The following FBLN2 variants were observed in gnomAD, a reference collection of about 807,000 sequenced individuals.
FBLN2 encodes the protein fibulin-2.
In FBLN2, 81 loss-of-function variants were observed where a neutral mutation model predicts 123.7. That is an observed-to-expected ratio of 0.65 (90% CI 0.55 to 0.79). FBLN2 has a LOEUF of 0.79. Among genes scored for constraint, FBLN2 ranks in the 30% least tolerant of loss-of-function variants. The pLI is 0.00. For synonymous variants in FBLN2, 699 were observed against 701.4 expected (o/e 1.00, Z 0.05); for missense variants, 1,603 against 1,681.3 (o/e 0.95, Z 0.81).
At chr3:13,619,658 G>A (rs1280096719) in intron 7 of FBLN2, 72 bp from the exon 8 acceptor site, 1 of 1,286,532 alleles carries the variant, frequency 7.8e-7, no homozygotes, top group East Asian at 2.4e-5. Context: ...TTAGAGCCAG[G>A]GATGGGGAAT....
rs778592293 is a variant in FBLN2 at position 13,629,059 on chromosome 3, C to T, written c.2713+11C>T. The T allele has an allele frequency of 2.0e-5, 32 of 1,612,596 alleles. No homozygotes were observed. The highest frequency in any genetic ancestry group is 2.7e-5 in the Non-Finnish European group (32 of 1,179,626). On this transcript the variant is annotated intron_variant, in intron 12 of 17. Transcript: ENST00000404922. ...GGACCAAGTGTGTGGGTAAGGCCAGCCGCCTCCGCCCTGCCAGCCAGCCCG... is the reference window on the plus strand; with the variant it reads ...GGACCAAGTGTGTGGGTAAGGCCAGTCGCCTCCGCCCTGCCAGCCAGCCCG...
intron 5 of FBLN2, among the ~76,000 whole-genome samples, chr3:13,616,474 G>A (rs1023399830): frequency 6.6e-6 from 1 of 152,182 alleles, no homozygotes; most frequent in Admixed American, 6.5e-5. Flanking sequence ...TCTGTCCGCC[G>A]CCTGCCTGCA....
At chr3:13,605,894 C>T (rs187636884) in intron 2 of FBLN2, among the ~76,000 whole-genome samples, 4 of 152,266 alleles carry the variant, frequency 2.6e-5, no homozygotes, top group Admixed American at 2.6e-4. Context: ...GCATTTCTCA[C>T]TCTTACTCAT....
At chr3:13,553,876 G>A (rs1468345915) in intron 1 of FBLN2, among the ~76,000 whole-genome samples, 5 of 152,234 alleles carry the variant, frequency 3.3e-5, no homozygotes, top group Admixed American at 6.5e-5. Context: ...ACACCTTGTC[G>A]GGCTTCTGGT....
At position 13,630,733 on chromosome 3, in the gene FBLN2, G is replaced by A. The variant is rs1248654311; in HGVS notation, c.3003G>A (p.Gln1001=). 16 of 1,609,678 alleles carry A rather than the reference G, an allele frequency of 9.9e-6. No homozygotes were observed. Among genetic ancestry groups the A allele is most frequent in the Non-Finnish European group, 1.4e-5 (16 of 1,178,310 alleles). ...VNECEAQRCS[Q]ECANIYGSYQ... is the part of the protein sequence containing the mutation. ...AGTGTGAGGCCCAGCGCTGCAGCCA[G>A]GAGTGTGCCAACATCTATGGCTCCT... Residue 1001 remains glutamine, a synonymous_variant, in exon 15 of 18, where the codon CAG becomes CAA. Transcript: ENST00000404922.
chr3:13,627,018 C>T (rs917074813), intron 10 of FBLN2, among the ~76,000 whole-genome samples: 4 of 152,042 alleles, frequency 2.6e-5, no homozygotes, highest in African/African-American at 4.8e-5. Context: ...ATGTGCCTGC[C>T]GGGTCCTGGG....
intron 4 of FBLN2, among the ~76,000 whole-genome samples, chr3:13,609,985 C>A (rs918415413): frequency 6.6e-6 from 1 of 152,098 alleles, no homozygotes. Flanking sequence ...TAGCACCTGG[C>A]GTGGTTGCAG....
chr3:13,565,634 G>A (rs1190026786), intron 1 of FBLN2, among the ~76,000 whole-genome samples: 1 of 152,244 alleles, frequency 6.6e-6, no homozygotes, highest in Non-Finnish European at 1.5e-5. Flanking sequence ...TTACGCACAT[G>A]ATACGTAAAG....
intron 5 of FBLN2, among the ~76,000 whole-genome samples, chr3:13,614,880 C>G (rs1194431648): frequency 2.0e-5 from 3 of 151,256 alleles, no homozygotes; most frequent in South Asian, 2.1e-4. Context: ...ATCTATCCAT[C>G]TGTCTGATCA....
At chr3:13,564,882 T>C (rs1703699975) in intron 1 of FBLN2, among the ~76,000 whole-genome samples, 1 of 152,208 alleles carries the variant, frequency 6.6e-6, no homozygotes, top group South Asian at 2.1e-4. Context: ...GTGTTTGTTT[T>C]TGTGGTAGGT....
intron 5 of FBLN2, among the ~76,000 whole-genome samples, chr3:13,617,601 AT>A (rs1705669713): frequency 6.9e-6 from 1 of 144,954 alleles, no homozygotes; most frequent in Non-Finnish European, 1.5e-5. Context: ...CCATCCATCC[AT>A]CCATCCATCC....
chr3:13,630,570 TG>T (rs1706221519), intron 14 of FBLN2, 128 bp from the exon 15 acceptor site: 2 of 682,300 alleles, frequency 2.9e-6, no homozygotes, highest in Admixed American at 5.1e-5. Context: ...GCAGGAGAGC[TG>T]GCCCTCGCAT....
At chr3:13,584,208 C>A (rs531991148) in intron 2 of FBLN2, among the ~76,000 whole-genome samples, 1 of 152,188 alleles carries the variant, frequency 6.6e-6, no homozygotes, top group Non-Finnish European at 1.5e-5. Context: ...ATTAGCAATT[C>A]GTTCACATAT....
chr3:13,615,509 T>C (rs1039182084), intron 5 of FBLN2, among the ~76,000 whole-genome samples: 1 of 152,234 alleles, frequency 6.6e-6, no homozygotes, highest in Non-Finnish European at 1.5e-5. Context: ...GGAATCCTAG[T>C]TCCTTTGCTT....
At chr3:13,555,035 C>T (rs1015211973) in intron 1 of FBLN2, among the ~76,000 whole-genome samples, 6 of 151,390 alleles carry the variant, frequency 4.0e-5, no homozygotes, top group Non-Finnish European at 8.8e-5. Context: ...TCACTGCAAC[C>T]TCTGCCTCCC....
chr3:13,578,249 G>A (rs1366654290), intron 2 of FBLN2, among the ~76,000 whole-genome samples: 3 of 152,214 alleles, frequency 2.0e-5, no homozygotes, highest in Non-Finnish European at 4.4e-5. Flanking sequence ...GCAGAATCTA[G>A]TGGGTTTTAG....
chr3:13,559,578 A>G (rs1703553080), intron 1 of FBLN2, among the ~76,000 whole-genome samples: 1 of 152,118 alleles, frequency 6.6e-6, no homozygotes, highest in South Asian at 2.1e-4. Context: ...GGAAGTGCTG[A>G]TTGGAGCTCC....
At chr3:13,569,567 G>A (rs1243849961) in intron 1 of FBLN2, among the ~76,000 whole-genome samples, 1 of 151,904 alleles carries the variant, frequency 6.6e-6, no homozygotes, top group Non-Finnish European at 1.5e-5. Flanking sequence ...AGTTGGTGGG[G>A]TGTTAGGGAC....
chr3:13,597,823 G>A (rs754594791), intron 2 of FBLN2, among the ~76,000 whole-genome samples: 12 of 152,234 alleles, frequency 7.9e-5, no homozygotes, highest in Non-Finnish European at 1.5e-4. Context: ...TGCCAGGCCC[G>A]GAGCCCTGAT....
Sources: gnomAD v4.1 joint callset for allele counts (sites outside exome capture counted in the v4.1 genomes callset) on GRCh38, gnomAD v4.1.1 for gene constraint, MANE v1.5 for transcripts, NCBI Gene and HGNC (gene_info 2026-07-23, HGNC 2026-07-21) for gene names.